NDST3: variants seen among roughly 807,000 people sequenced by gnomAD.
NDST3 encodes the protein bifunctional heparan sulfate N-deacetylase/N-sulfotransferase 3.
Under a neutral mutation model 96.1 loss-of-function variants are expected in NDST3, and 58 were observed. The observed-to-expected ratio is 0.60, with a 90% CI of 0.49 to 0.75. The LOEUF is 0.75. Among genes scored for constraint, NDST3 ranks in the 30% least tolerant of loss-of-function variants. The probability of loss-of-function intolerance (pLI) is 0.00; values close to 1 mark genes in which losing one functional copy is unlikely to be tolerated. For missense variants in NDST3, 788 were observed against 1,034.2 expected (o/e 0.76, Z 3.27); for synonymous variants, 333 against 359.7 (o/e 0.93, Z 0.84).
chr4:118,092,513 T>C (rs1728961699), intron 2 of NDST3, among the ~76,000 whole-genome samples: 1 of 151,742 alleles, frequency 6.6e-6, no homozygotes, highest in Admixed American at 6.6e-5. Flanking sequence ...AGTCATTATC[T>C]TTTTGCTTTT....
At chr4:118,193,662 C>G in intron 6 of NDST3, 3 of 1,301,548 alleles carry the variant, frequency 2.3e-6, no homozygotes, top group Non-Finnish European at 1.1e-6. Flanking sequence ...TGGAAGTCAG[C>G]CTGTGCCAGT....
At chr4:118,229,070 G>A (rs1740097997) in intron 8 of NDST3, among the ~76,000 whole-genome samples, 1 of 151,902 alleles carries the variant, frequency 6.6e-6, no homozygotes, top group Non-Finnish European at 1.5e-5. Context: ...GGAGACCAAG[G>A]CGGGTGGATC....
chr4:118,158,539 T>C (rs1269411024), intron 6 of NDST3, among the ~76,000 whole-genome samples: 1 of 152,218 alleles, frequency 6.6e-6, no homozygotes. Flanking sequence ...TCAAAGATCA[T>C]CATTTTGCAG....
chr4:118,209,329 A>C (rs2125985201), intron 6 of NDST3, among the ~76,000 whole-genome samples: 1 of 152,316 alleles, frequency 6.6e-6, no homozygotes, highest in African/African-American at 2.4e-5. Context: ...CACTAAAGGA[A>C]GAAGAACAGC....
At position 118,237,116 on chromosome 4, in the gene NDST3, T is replaced by C. The variant is rs754278408; in HGVS notation, c.2014T>C (p.Phe672Leu). Residue 672 changes from phenylalanine to leucine, a missense_variant, in exon 10 of 14, where the codon TTC (phenylalanine) becomes CTC (leucine). Around this residue, in one of 3 missense-constraint regions of NDST3, gnomAD observed 490 missense variants for 708.8 expected, o/e 0.69. Coordinates refer to ENST00000296499, the MANE Select transcript of NDST3 (RefSeq NM_004784.3). ...TTTGTTTGAGAAGAGTGCCAATTAC[T>C]TCCACTCAGAGGAAGCCCCTAAAAG... The part of the protein sequence containing the change: ...DFLFEKSANY[F>L]HSEEAPKRAA... 1.2e-6 allele frequency: 2 copies of C among 1,613,154 alleles called. No individual in the cohort carries two copies. Among genetic ancestry groups the C allele is most frequent in the Non-Finnish European group, 8.5e-7 (1 of 1,179,492 alleles).
At chr4:118,084,790 C>A (rs1229250475) in intron 2 of NDST3, among the ~76,000 whole-genome samples, 1 of 152,056 alleles carries the variant, frequency 6.6e-6, no homozygotes, top group African/African-American at 2.4e-5. Flanking sequence ...TGTTTCTTAC[C>A]AACTCTGCAC....
intron 2 of NDST3, among the ~76,000 whole-genome samples, chr4:118,065,906 A>C (rs978669712): frequency 6.7e-6 from 1 of 148,702 alleles, no homozygotes; most frequent in African/African-American, 2.5e-5. Flanking sequence ...TCTTGTCTCT[A>C]TTTTCTTCTC....
At chr4:118,192,655 T>C (rs1306628729) in intron 6 of NDST3, among the ~76,000 whole-genome samples, 1 of 152,176 alleles carries the variant, frequency 6.6e-6, no homozygotes, top group Non-Finnish European at 1.5e-5. Flanking sequence ...TCTGTTTTAA[T>C]GCCAACAACA....
At chr4:118,207,939 C>T (rs960686455) in intron 6 of NDST3, among the ~76,000 whole-genome samples, 2 of 144,210 alleles carry the variant, frequency 1.4e-5, no homozygotes, top group African/African-American at 5.1e-5. Context: ...CTCTTATGTG[C>T]AGTTCTGGGT....
intron 6 of NDST3, among the ~76,000 whole-genome samples, chr4:118,179,646 G>A (rs542221631): frequency 1.3e-5 from 2 of 151,914 alleles, no homozygotes; most frequent in African/African-American, 2.4e-5. Flanking sequence ...TGGCTTAAAT[G>A]AGCAAGACTA....
chr4:118,148,289 C>T (rs1328405197), intron 6 of NDST3, among the ~76,000 whole-genome samples: 1 of 152,134 alleles, frequency 6.6e-6, no homozygotes, highest in Non-Finnish European at 1.5e-5. Context: ...CAGAGCGAGA[C>T]TCTGTCTCAA....
At chr4:118,229,793 T>C (rs1740149152) in intron 8 of NDST3, among the ~76,000 whole-genome samples, 1 of 152,232 alleles carries the variant, frequency 6.6e-6, no homozygotes, top group Non-Finnish European at 1.5e-5. Flanking sequence ...TTTTTAACTT[T>C]AAAAATGCCT....
chr4:118,110,138 C>G (rs1310206658), intron 3 of NDST3, among the ~76,000 whole-genome samples: 1 of 152,104 alleles, frequency 6.6e-6, no homozygotes, highest in Non-Finnish European at 1.5e-5. Flanking sequence ...AGCTGAATGG[C>G]AAAAGATTCT....
At position 118,233,077 on chromosome 4, in the gene NDST3, A is replaced by G. The variant is rs1740415650; in HGVS notation, c.1885A>G (p.Lys629Glu). The G allele has an allele frequency of 1.2e-6, 2 of 1,613,066 alleles. No individual in the cohort carries two copies. Among genetic ancestry groups the G allele is most frequent in the Non-Finnish European group, 1.7e-6 (2 of 1,179,112 alleles). ...PSILSNSPSPKTFEEVQFFNR... is the reference protein window; with the variant it reads ...PSILSNSPSPETFEEVQFFNR... ...CATCCTTAGTAACTCCCCCAGCCCA[A>G]AAACCTTTGAGGAGGTACAGTTCTT... is the stretch of plus-strand genomic sequence containing the variant. The change falls in exon 9 of 14, where the codon AAA (lysine) becomes GAA (glutamate). Residue 629 changes from lysine to glutamate, a missense_variant. Lys to Glu is a moderately conservative substitution (Grantham distance 56). Around this residue, in one of 3 missense-constraint regions of NDST3, gnomAD observed 490 missense variants for 708.8 expected, o/e 0.69. Transcript: ENST00000296499.
At chr4:118,073,564 T>A (rs2125805334) in intron 2 of NDST3, among the ~76,000 whole-genome samples, 1 of 152,268 alleles carries the variant, frequency 6.6e-6, no homozygotes, top group East Asian at 1.9e-4. Context: ...GAGTCAGTAG[T>A]ATTATCCACT....
intron 12 of NDST3, among the ~76,000 whole-genome samples, chr4:118,248,420 A>C (rs2126011395): frequency 6.6e-6 from 1 of 152,264 alleles, no homozygotes; most frequent in South Asian, 2.1e-4. Context: ...CCCTGCCCAC[A>C]AGTCTTTTAC....
intron 2 of NDST3, among the ~76,000 whole-genome samples, chr4:118,066,189 T>A (rs1468691115): frequency 3.3e-4 from 2 of 6,032 alleles, no homozygotes; most frequent in African/African-American, 4.4e-4. Flanking sequence ...ATTATATATC[T>A]TATATATTAT....
At chr4:118,147,422 A>G (rs895390770) in intron 6 of NDST3, among the ~76,000 whole-genome samples, 2 of 152,208 alleles carry the variant, frequency 1.3e-5, no homozygotes, top group Non-Finnish European at 2.9e-5. Context: ...CCTAGATACA[A>G]ACATTCTTGA....
chr4:118,178,671 T>C (rs1004672755), intron 6 of NDST3, among the ~76,000 whole-genome samples: 1 of 152,054 alleles, frequency 6.6e-6, no homozygotes, highest in Non-Finnish European at 1.5e-5. Context: ...TTCAAGACCC[T>C]GTTTTCAGTT....
Sources: gnomAD v4.1 joint callset for allele counts (sites outside exome capture counted in the v4.1 genomes callset) on GRCh38, gnomAD v4.1.1 for gene constraint, gnomAD v4.1.1 regional missense constraint, MANE v1.5 for transcripts, NCBI Gene and HGNC (gene_info 2026-07-23, HGNC 2026-07-21) for gene names.